Variants in RGS8 observed in about 807,000 individuals in gnomAD.
RGS8 encodes regulator of G protein signaling 8.
A neutral mutation model predicts 21.7 loss-of-function variants in RGS8; 8 were observed. The ratio of observed to expected loss-of-function variants is 0.37; its 90% confidence interval spans 0.22 to 0.66. RGS8 has a LOEUF of 0.66. Ranked by LOEUF, RGS8 falls within the 30% of genes least tolerant of loss-of-function variation. The probability of loss-of-function intolerance (pLI) is 0.59; values close to 1 mark genes in which losing one functional copy is unlikely to be tolerated. For missense variants in RGS8, 157 were observed against 217.9 expected, an observed-to-expected ratio of 0.72 and a Z score of 1.76; for synonymous variants, 80 against 83.6, an observed-to-expected ratio of 0.96 and a Z score of 0.24.
the RGS8 span, among the ~76,000 whole-genome samples, chr1:182,717,146 T>C: frequency 2.6e-5 from 4 of 152,218 alleles, no homozygotes; most frequent in Non-Finnish European, 4.4e-5. Flanking sequence ...TTAGGAAGTC[T>C]AAACAAGCTC....
upstream of RGS8, among the ~76,000 whole-genome samples, chr1:182,689,228 C>G (rs1664768322): frequency 6.6e-6 from 1 of 151,640 alleles, no homozygotes; most frequent in Non-Finnish European, 1.5e-5. Flanking sequence ...CAGCATCTCT[C>G]TCTCTCTCTC....
the RGS8 span, among the ~76,000 whole-genome samples, chr1:182,689,766 T>C: frequency 6.6e-6 from 1 of 152,130 alleles, no homozygotes. Flanking sequence ...AATTTATATA[T>C]AGAGCCATGA....
the RGS8 span, among the ~76,000 whole-genome samples, chr1:182,721,841 A>G: frequency 6.6e-6 from 1 of 152,246 alleles, no homozygotes; most frequent in Non-Finnish European, 1.5e-5. Flanking sequence ...CTACAGAGTC[A>G]GAAGCTAGTC....
chr1:182,645,817 C>T (rs1212657100), downstream of RGS8: 1 of 152,176 alleles, frequency 6.6e-6, no homozygotes, highest in Non-Finnish European at 1.5e-5. Flanking sequence ...GAATTCACCT[C>T]CCTTTGCCAA....
intron 5 of RGS8, among the ~76,000 whole-genome samples, chr1:182,654,502 C>T (rs1175890878): frequency 3.9e-5 from 6 of 152,178 alleles, no homozygotes; most frequent in African/African-American, 1.2e-4. Context: ...GCTGCACCCA[C>T]GTGCTAGGTT....
chr1:182,663,447 C>G (rs1236370327), intron 5 of RGS8, among the ~76,000 whole-genome samples: 2 of 152,190 alleles, frequency 1.3e-5, no homozygotes, highest in Non-Finnish European at 2.9e-5. Context: ...GAACATCAGA[C>G]TCCAGGAAGG....
At chr1:182,722,909 C>T in the RGS8 span, among the ~76,000 whole-genome samples, 9 of 151,876 alleles carry the variant, frequency 5.9e-5, no homozygotes, top group Non-Finnish European at 1.2e-4. Context: ...ACCCAGGAGG[C>T]GGAGCTTGCA....
At chr1:182,690,803 C>A in the RGS8 span, among the ~76,000 whole-genome samples, 1 of 152,218 alleles carries the variant, frequency 6.6e-6, no homozygotes, top group Non-Finnish European at 1.5e-5. Context: ...CTATCCATTA[C>A]ACGGTACTCT....
chr1:182,662,397 T>C (rs1332626365), intron 5 of RGS8, among the ~76,000 whole-genome samples: 6 of 152,230 alleles, frequency 3.9e-5, no homozygotes, highest in African/African-American at 1.4e-4. Flanking sequence ...ATCCAGCTTC[T>C]GACACCTCCT....
At chr1:182,661,335 C>G (rs1174104912) in intron 5 of RGS8, among the ~76,000 whole-genome samples, 1 of 151,964 alleles carries the variant, frequency 6.6e-6, no homozygotes, top group African/African-American at 2.4e-5. Flanking sequence ...CCTGTGCAAA[C>G]AGCAAAACAA....
upstream of RGS8, chr1:182,672,903 T>C: frequency 6.3e-7 from 1 of 1,578,610 alleles, no homozygotes; most frequent in South Asian, 1.1e-5. Context: ...TCTCCAAGCG[T>C]GGTCCCTGAA....
intron 5 of RGS8, among the ~76,000 whole-genome samples, chr1:182,664,790 CT>C (rs1663773000): frequency 6.6e-6 from 1 of 152,198 alleles, no homozygotes; most frequent in Non-Finnish European, 1.5e-5. Context: ...CACAAAACTG[CT>C]TGCTACAATA....
rs112662847 is a variant in RGS8 at position 182,650,142 on chromosome 1, C to T, written c.194-1839G>A. On this transcript the variant is annotated intron_variant, in intron 5 of 6. Coordinates refer to ENST00000483095, the Ensembl canonical transcript of RGS8. ...GGCCAGGATGGTCTTGATCTCTTGA[C>T]CTTGTGATCCACCCGCCTCGGCCTC... 2.1e-3 allele frequency among the ~76,000 whole-genome samples: 318 copies of T among 149,694 alleles called. 3 individuals carry two copies. Among genetic ancestry groups the T allele is most frequent in the African/African-American group, 7.6e-3 (299 of 39,152 alleles).
intron 6 of RGS8, among the ~76,000 whole-genome samples, chr1:182,647,741 C>G (rs980191989): frequency 6.6e-6 from 1 of 152,174 alleles, no homozygotes; most frequent in African/African-American, 2.4e-5. Context: ...GGTTTAGTAA[C>G]TTGACCAAGA....
chr1:182,730,434 G>T, the RGS8 span, among the ~76,000 whole-genome samples: 1 of 152,234 alleles, frequency 6.6e-6, no homozygotes, highest in African/African-American at 2.4e-5. Flanking sequence ...ATTTGGCCGG[G>T]GTCAGTGGCT....
the RGS8 span, among the ~76,000 whole-genome samples, chr1:182,702,161 G>A: frequency 2.0e-5 from 3 of 152,180 alleles, no homozygotes; most frequent in Non-Finnish European, 2.9e-5. Flanking sequence ...ACTCAACCCA[G>A]GTGCCCATCA....
At chr1:182,666,817 G>T in intron 4 of RGS8, 55 bp downstream of exon 5, 1 of 1,312,184 alleles carries the variant, frequency 7.6e-7, no homozygotes, top group Non-Finnish European at 1.1e-6. Flanking sequence ...CTAAAGAAGT[G>T]AGCTATATGA....
At chr1:182,720,889 A>C in the RGS8 span, among the ~76,000 whole-genome samples, 1 of 94,834 alleles carries the variant, frequency 1.1e-5, no homozygotes, top group Non-Finnish European at 2.2e-5. Flanking sequence ...GTATATATAT[A>C]CACATATATA....
chr1:182,649,393 C>G (rs1662885398), intron 5 of RGS8, among the ~76,000 whole-genome samples: 1 of 152,156 alleles, frequency 6.6e-6, no homozygotes, highest in African/African-American at 2.4e-5. Flanking sequence ...CAGTTTCATT[C>G]TGTTACCTGG....
Sources: allele counts gnomAD v4.1 joint callset (sites outside exome capture counted in the v4.1 genomes callset), GRCh38; gene constraint gnomAD v4.1.1; transcripts MANE v1.5; gene names NCBI Gene and HGNC (gene_info 2026-07-23, HGNC 2026-07-21).